The following RGS22 variants were observed in gnomAD, a reference collection of about 807,000 sequenced individuals.
The protein encoded by RGS22 is regulator of G-protein signaling 22.
A neutral mutation model predicts 172.9 loss-of-function variants in RGS22; 148 were observed. That is an observed-to-expected ratio of 0.86 (90% CI 0.75 to 0.98). The LOEUF is 0.98. Among genes scored for constraint, RGS22 ranks in the 50% least tolerant of loss-of-function variants. The pLI is 0.00. For missense variants in RGS22, 1,347 were observed against 1,440.8 expected, an observed-to-expected ratio of 0.93 and a Z score of 1.05; for synonymous variants, 458 against 480.2, an observed-to-expected ratio of 0.95 and a Z score of 0.60.
At position 99,984,214 on chromosome 8, in the gene RGS22, G is replaced by A. The variant is rs556925289; in HGVS notation, c.3181-2098C>T. Among the ~76,000 whole-genome samples, 3 of 152,190 alleles carry A rather than the reference G, an allele frequency of 2.0e-5. No individual in the cohort carries two copies. The East Asian group carries it at 5.8e-4, about 29-fold the overall frequency. Reference sequence around the variant, plus strand: ...GGTGTGAGGATCACCTGAGCCCAGGGAGGTTGACGCTGCAGTGGGCCATTA... The same window carrying A: ...GGTGTGAGGATCACCTGAGCCCAGGAAGGTTGACGCTGCAGTGGGCCATTA... On this transcript the variant is annotated intron_variant, in intron 21 of 27. Coordinates refer to ENST00000360863, the MANE Select transcript of RGS22 (RefSeq NM_015668.5).
In RGS22 at chr8:99,963,288, G is replaced by A. The variant is rs1306645412; in HGVS notation, c.3616-310C>T. 4.6e-5 allele frequency among the ~76,000 whole-genome samples: 7 copies of A among 152,262 alleles called. No homozygotes were observed. The East Asian group carries it at 1.4e-3, about 29-fold the overall frequency. The stretch of plus-strand genomic sequence containing the variant: ...AAATGTTTAAATTCCCTGGTTTGCA[G>A]GGAGGAGGTGAGGTGGGAACGTGAG... On this transcript the variant is annotated intron_variant, in intron 24 of 27. Coordinates refer to ENST00000360863, the MANE Select transcript of RGS22 (RefSeq NM_015668.5).
intron 18 of RGS22, among the ~76,000 whole-genome samples, chr8:100,000,089 G>A (rs1347996451): frequency 6.6e-6 from 1 of 152,084 alleles, no homozygotes; most frequent in Non-Finnish European, 1.5e-5. Context: ...ACTTCTTTGT[G>A]ATCTAAATTT....
intron 14 of RGS22, 87 bp downstream of exon 14, chr8:100,038,844 C>A: frequency 1.5e-6 from 1 of 689,532 alleles, no homozygotes; most frequent in Non-Finnish European, 2.2e-6. Context: ...GCCTGCGATC[C>A]CAGATTTCTC....
intron 14 of RGS22, among the ~76,000 whole-genome samples, chr8:100,029,300 T>C (rs780468485): frequency 2.0e-5 from 3 of 152,182 alleles, no homozygotes; most frequent in Non-Finnish European, 4.4e-5. Flanking sequence ...GATAATGATG[T>C]GTGTTGCTTT....
At chr8:100,104,870 C>T (rs763208670) in intron 2 of RGS22, among the ~76,000 whole-genome samples, 1 of 152,138 alleles carries the variant, frequency 6.6e-6, no homozygotes, top group Non-Finnish European at 1.5e-5. Context: ...TGGAACCCAG[C>T]CTAAATGTAG....
intron 3 of RGS22, among the ~76,000 whole-genome samples, chr8:100,090,819 A>C (rs1027883699): frequency 6.6e-6 from 1 of 152,182 alleles, no homozygotes; most frequent in Admixed American, 6.5e-5. Context: ...AGAGAAAATA[A>C]GTAGAAAATA....
intron 14 of RGS22, among the ~76,000 whole-genome samples, chr8:100,014,581 T>C (rs1816752466): frequency 6.6e-6 from 1 of 152,218 alleles, no homozygotes; most frequent in African/African-American, 2.4e-5. Flanking sequence ...TCCTCTCTCC[T>C]TGACTCTCTT....
chr8:100,000,942 T>C (rs893795142), intron 18 of RGS22, among the ~76,000 whole-genome samples: 4 of 152,010 alleles, frequency 2.6e-5, no homozygotes, highest in African/African-American at 7.2e-5. Flanking sequence ...TCTCTGAGTT[T>C]TTCTTTAATT....
chr8:100,101,330 A>G (rs1446323255), intron 2 of RGS22, among the ~76,000 whole-genome samples: 1 of 149,314 alleles, frequency 6.7e-6, no homozygotes, highest in East Asian at 2.0e-4. Context: ...TCTGTTGCCC[A>G]GGCTGGAGTG....
At chr8:100,079,157 C>T (rs1811567806) in intron 4 of RGS22, among the ~76,000 whole-genome samples, 1 of 152,156 alleles carries the variant, frequency 6.6e-6, no homozygotes, top group Non-Finnish European at 1.5e-5. Flanking sequence ...TTTCTATTCA[C>T]TGAAGGAAGT....
chr8:100,067,398 T>C (rs1319706911), intron 6 of RGS22, among the ~76,000 whole-genome samples: 1 of 152,180 alleles, frequency 6.6e-6, no homozygotes. Flanking sequence ...TTATTAATTA[T>C]ACATTCATCT....
chr8:100,073,904 T>C (rs1354916125), intron 4 of RGS22, among the ~76,000 whole-genome samples: 2 of 152,156 alleles, frequency 1.3e-5, no homozygotes, highest in Non-Finnish European at 2.9e-5. Flanking sequence ...GAAAAGTCTT[T>C]AGCCAAGCTG....
Position 99,960,961 on chromosome 8 carries a change from AGTT to A in RGS22, c.*278_*280del, listed in dbSNP as rs1810135326. 1 of 219,772 alleles carries A rather than the reference AGTT, an allele frequency of 4.6e-6. No homozygotes were observed. Among genetic ancestry groups the A allele is most frequent in the South Asian group, 6.6e-5 (1 of 15,144 alleles). 13.6% of individuals were successfully genotyped at this position (219,772 alleles called of 1,614,324 possible). ...TTTTGGTTCTTCAAACCTAGATAGTAGTTGTTTTATTCTAAATAAGTTAAACAG... is the reference window on the plus strand; with the variant it reads ...TTTTGGTTCTTCAAACCTAGATAGTAGTTTTATTCTAAATAAGTTAAACAG... On this transcript the variant is annotated 3_prime_UTR_variant, in exon 28 of 28. Coordinates refer to ENST00000360863, the MANE Select transcript of RGS22 (RefSeq NM_015668.5).
At chr8:100,101,000 C>G (rs1306244304) in intron 2 of RGS22, among the ~76,000 whole-genome samples, 1 of 152,128 alleles carries the variant, frequency 6.6e-6, no homozygotes, top group East Asian at 1.9e-4. Context: ...AATGTTTTTA[C>G]TCCATAAAGA....
chr8:100,091,508 A>T (rs1278268945), intron 3 of RGS22, among the ~76,000 whole-genome samples: 1 of 152,188 alleles, frequency 6.6e-6, no homozygotes, highest in Non-Finnish European at 1.5e-5. Flanking sequence ...GGCAATGTCT[A>T]TTCTGACTGG....
chr8:100,075,624 A>G (rs1314093007), intron 4 of RGS22, among the ~76,000 whole-genome samples: 1 of 152,244 alleles, frequency 6.6e-6, no homozygotes, highest in Non-Finnish European at 1.5e-5. Flanking sequence ...ATTCTCACCA[A>G]TGAGAATGGA....
intron 21 of RGS22, among the ~76,000 whole-genome samples, chr8:99,983,546 CTGA>C (rs1331695009): frequency 6.6e-6 from 1 of 152,110 alleles, no homozygotes; most frequent in Non-Finnish European, 1.5e-5. Flanking sequence ...TTGCATTTCT[CTGA>C]TGATTAGTGA....
intron 14 of RGS22, among the ~76,000 whole-genome samples, chr8:100,021,011 G>A (rs940431994): frequency 5.3e-5 from 8 of 152,098 alleles, no homozygotes; most frequent in Admixed American, 3.9e-4. Context: ...TACAAATCAG[G>A]GCTGCTTTTT....
At chr8:100,053,468 G>T (rs1359495451) in intron 9 of RGS22, among the ~76,000 whole-genome samples, 1 of 147,718 alleles carries the variant, frequency 6.8e-6, no homozygotes, top group East Asian at 2.0e-4. Context: ...GAGAGAGGGA[G>T]GGAGGGAGGG....
Sources: allele counts gnomAD v4.1 joint callset (sites outside exome capture counted in the v4.1 genomes callset), GRCh38; gene constraint gnomAD v4.1.1; transcripts MANE v1.5; gene names NCBI Gene and HGNC (gene_info 2026-07-23, HGNC 2026-07-21).